Variants in TTC28 observed in about 807,000 individuals in gnomAD.
TTC28 encodes tetratricopeptide repeat protein 28.
TTC28 carries 61 observed loss-of-function variants against 198.0 expected under a neutral mutation model. That is an observed-to-expected ratio of 0.31 (90% CI 0.25 to 0.38). TTC28 has a LOEUF of 0.38. TTC28 is among the 10% of genes least tolerant of loss of function. TTC28 has a pLI of 1.00. For synonymous variants in TTC28, 1,171 were observed against 1,297.8 expected, an observed-to-expected ratio of 0.90 and a Z score of 2.10; for missense variants, 2,678 against 3,164.0, an observed-to-expected ratio of 0.85 and a Z score of 3.69.
intron 2 of TTC28, among the ~76,000 whole-genome samples, chr22:28,593,833 C>T (rs918120578): frequency 3.9e-5 from 6 of 152,016 alleles, no homozygotes; most frequent in African/African-American, 9.7e-5. Context: ...CTATCCATGG[C>T]CATTTACTAG....
chr22:28,178,444 G>C (rs77109182), intron 5 of TTC28, among the ~76,000 whole-genome samples: 4 of 152,044 alleles, frequency 2.6e-5, no homozygotes, highest in African/African-American at 9.7e-5. Context: ...ACCAGCCTGG[G>C]CAACAAGAGT....
chr22:28,504,945 G>GA (rs1441204070), intron 2 of TTC28, among the ~76,000 whole-genome samples: 1 of 151,628 alleles, frequency 6.6e-6, no homozygotes, highest in Non-Finnish European at 1.5e-5. Context: ...TTCTTAACTG[G>GA]AAAAAAGTTT....
chr22:28,149,117 T>A (rs544468883), intron 6 of TTC28, among the ~76,000 whole-genome samples: 1 of 152,344 alleles, frequency 6.6e-6, no homozygotes, highest in East Asian at 1.9e-4. Context: ...ACCTAGGCTA[T>A]ATGGTGTAGC....
chr22:28,348,906 T>C (rs536202855), intron 2 of TTC28, among the ~76,000 whole-genome samples: 1 of 152,332 alleles, frequency 6.6e-6, no homozygotes, highest in South Asian at 2.1e-4. Flanking sequence ...CTGTTTGACA[T>C]TTCCTTCCTA....
intron 14 of TTC28, chr22:28,007,647 A>G (rs1413278495): frequency 6.6e-6 from 1 of 152,202 alleles, no homozygotes; most frequent in African/African-American, 2.4e-5. Flanking sequence ...TGACCTGGTA[A>G]AAATGATCCC....
intron 5 of TTC28, among the ~76,000 whole-genome samples, chr22:28,245,258 T>C (rs1166428215): frequency 6.6e-6 from 1 of 152,154 alleles, no homozygotes; most frequent in Non-Finnish European, 1.5e-5. Flanking sequence ...TTCTCATGCT[T>C]TATAATGGAG....
chr22:28,406,272 A>G (rs2046996726), intron 2 of TTC28, among the ~76,000 whole-genome samples: 1 of 152,274 alleles, frequency 6.6e-6, no homozygotes, highest in Admixed American at 6.5e-5. Flanking sequence ...TGCCCTTTGT[A>G]TTTGATAGCA....
chr22:28,557,835 A>G (rs980275886), intron 2 of TTC28, among the ~76,000 whole-genome samples: 12 of 152,182 alleles, frequency 7.9e-5, no homozygotes, highest in Admixed American at 4.6e-4. Context: ...GGCTCTATCA[A>G]TCTTCTCTGG....
chr22:28,326,869 G>T (rs2045538224), intron 2 of TTC28, among the ~76,000 whole-genome samples: 1 of 151,876 alleles, frequency 6.6e-6, no homozygotes, highest in African/African-American at 2.4e-5. Context: ...GATCAATCCA[G>T]GGTTGTGAGA....
At chr22:27,995,275 C>T (rs879730594) in intron 17 of TTC28, among the ~76,000 whole-genome samples, 2 of 152,162 alleles carry the variant, frequency 1.3e-5, no homozygotes, top group Non-Finnish European at 2.9e-5. Context: ...TGCAAGGAGG[C>T]CCTGGGGTCC....
chr22:28,193,019 A>T (rs1237283174), intron 5 of TTC28, among the ~76,000 whole-genome samples: 4 of 152,206 alleles, frequency 2.6e-5, no homozygotes, highest in Non-Finnish European at 4.4e-5. Flanking sequence ...CGAAGGAAAA[A>T]ATGCTAAGGG....
chr22:28,059,742 C>T (rs1038594011), intron 12 of TTC28, among the ~76,000 whole-genome samples: 2 of 151,888 alleles, frequency 1.3e-5, no homozygotes, highest in African/African-American at 4.8e-5. Context: ...GGTAAATATA[C>T]ATTTATGGCT....
At chr22:28,436,692 A>C (rs914549847) in intron 2 of TTC28, among the ~76,000 whole-genome samples, 3 of 152,224 alleles carry the variant, frequency 2.0e-5, no homozygotes. Context: ...TTACATTATA[A>C]CTACAGAGTC....
intron 12 of TTC28, among the ~76,000 whole-genome samples, chr22:28,057,181 A>G (rs1281562022): frequency 6.6e-6 from 1 of 152,196 alleles, no homozygotes; most frequent in Non-Finnish European, 1.5e-5. Context: ...TGATCCATAG[A>G]GTAGGTATTT....
chr22:28,553,002 T>C (rs577403478), intron 2 of TTC28, among the ~76,000 whole-genome samples: 10 of 152,152 alleles, frequency 6.6e-5, no homozygotes, highest in South Asian at 2.1e-4. Context: ...TTGGCCGGGC[T>C]GGTCTCCAGC....
intron 12 of TTC28, among the ~76,000 whole-genome samples, chr22:28,052,543 T>C (rs1940128561): frequency 6.6e-6 from 1 of 152,114 alleles, no homozygotes; most frequent in African/African-American, 2.4e-5. Context: ...ATAGCCAGCA[T>C]AACAAAATTT....
intron 5 of TTC28, among the ~76,000 whole-genome samples, chr22:28,237,208 G>C (rs948623565): frequency 6.6e-6 from 1 of 151,664 alleles, no homozygotes; most frequent in Non-Finnish European, 1.5e-5. Context: ...CTTTCTCAAT[G>C]GTTGCTCTCC....
chr22:28,618,807 A>C (rs1293309595), intron 2 of TTC28, among the ~76,000 whole-genome samples: 1 of 152,132 alleles, frequency 6.6e-6, no homozygotes, highest in East Asian at 1.9e-4. Flanking sequence ...GCAGCAAAAT[A>C]AACAGTGCTT....
At chr22:28,302,130 T>C (rs2145796060) in intron 3 of TTC28, among the ~76,000 whole-genome samples, 1 of 152,056 alleles carries the variant, frequency 6.6e-6, no homozygotes, top group East Asian at 1.9e-4. Context: ...AAAGAGAAAG[T>C]TGTTATTAAC....
Sources: gnomAD v4.1 joint callset for allele counts (sites outside exome capture counted in the v4.1 genomes callset) on GRCh38, gnomAD v4.1.1 for gene constraint, MANE v1.5 for transcripts, NCBI Gene and HGNC (gene_info 2026-07-23, HGNC 2026-07-21) for gene names.